CNTN3: variants seen among roughly 807,000 people sequenced by gnomAD.
The protein encoded by CNTN3 is contactin 3.
CNTN3 carries 60 observed loss-of-function variants against 119.1 expected under a neutral mutation model. The observed-to-expected ratio is 0.50, with a 90% CI of 0.41 to 0.62. The LOEUF (loss-of-function observed/expected upper bound fraction) is 0.62. Among genes scored for constraint, CNTN3 ranks in the 20% least tolerant of loss-of-function variants. The pLI is 0.00. For synonymous variants in CNTN3, 450 were observed against 438.7 expected, an observed-to-expected ratio of 1.03 and a Z score of -0.32; for missense variants, 1,101 against 1,242.4, an observed-to-expected ratio of 0.89 and a Z score of 1.71.
chr3:74,489,647 C>T (rs1702927181), intron 3 of CNTN3, among the ~76,000 whole-genome samples: 1 of 149,152 alleles, frequency 6.7e-6, no homozygotes, highest in Non-Finnish European at 1.5e-5. Flanking sequence ...CGCCTAATCC[C>T]CAGGCCTTAG....
chr3:74,463,227 C>T (rs935653920), intron 4 of CNTN3, among the ~76,000 whole-genome samples: 7 of 152,112 alleles, frequency 4.6e-5, no homozygotes, highest in Non-Finnish European at 7.4e-5. Flanking sequence ...GTGTATGTCT[C>T]TTTTCTGAAG....
intron 1 of CNTN3, among the ~76,000 whole-genome samples, chr3:74,567,794 G>A (rs1049514610): frequency 1.3e-5 from 2 of 152,160 alleles, no homozygotes; most frequent in Non-Finnish European, 2.9e-5. Context: ...TTAAGAGTAT[G>A]TGAAAGCGCT....
At chr3:74,562,671 C>G (rs1216461493) in intron 1 of CNTN3, among the ~76,000 whole-genome samples, 1 of 152,128 alleles carries the variant, frequency 6.6e-6, no homozygotes, top group East Asian at 1.9e-4. Flanking sequence ...GCTACCATGG[C>G]TTCCACACTG....
chr3:74,476,493 G>T (rs920969814), intron 4 of CNTN3, among the ~76,000 whole-genome samples: 13 of 152,100 alleles, frequency 8.5e-5, no homozygotes, highest in Non-Finnish European at 1.2e-4. Flanking sequence ...GTCCAGGTAG[G>T]TAGAAACTCT....
chr3:74,583,314 G>C (rs1351342839), intron 1 of CNTN3, among the ~76,000 whole-genome samples: 1 of 151,928 alleles, frequency 6.6e-6, no homozygotes, highest in Non-Finnish European at 1.5e-5. Context: ...TGAAACAAAT[G>C]TCCATGAGCA....
At chr3:74,503,772 T>C (rs1340651002) in intron 2 of CNTN3, among the ~76,000 whole-genome samples, 1 of 152,110 alleles carries the variant, frequency 6.6e-6, no homozygotes, top group East Asian at 1.9e-4. Context: ...TTACTTTTTG[T>C]GACAGGGGCA....
chr3:74,555,418 C>T (rs139039031), intron 1 of CNTN3, among the ~76,000 whole-genome samples: 5,633 of 152,170 alleles, frequency 0.037, 137 homozygotes, highest in South Asian at 0.069. Context: ...CAGGATGATG[C>T]TGGCCTCATA....
chr3:74,359,645 A>G (rs1429266534), intron 11 of CNTN3, among the ~76,000 whole-genome samples: 1 of 152,164 alleles, frequency 6.6e-6, no homozygotes, highest in Non-Finnish European at 1.5e-5. Context: ...TCGCTATACA[A>G]TGTGGATATA....
At chr3:74,434,017 T>C (rs1434021386) in intron 4 of CNTN3, among the ~76,000 whole-genome samples, 1 of 152,240 alleles carries the variant, frequency 6.6e-6, no homozygotes, top group Non-Finnish European at 1.5e-5. Flanking sequence ...CATCTCATTT[T>C]CCTTAGGATC....
chr3:74,495,189 T>A (rs6549602), intron 3 of CNTN3, among the ~76,000 whole-genome samples: 131,716 of 151,960 alleles, frequency 0.87, 57,824 homozygotes, highest in Non-Finnish European at 0.95. Flanking sequence ...AACACAGAGA[T>A]CTGGACTTAT....
At chr3:74,495,834 A>G (rs994718375) in intron 3 of CNTN3, among the ~76,000 whole-genome samples, 3 of 152,068 alleles carry the variant, frequency 2.0e-5, no homozygotes, top group African/African-American at 7.2e-5. Flanking sequence ...TTCTGTATCC[A>G]AGATTCCTTA....
chr3:74,290,907 A>AT (rs1191023607), intron 19 of CNTN3, among the ~76,000 whole-genome samples: 1 of 146,954 alleles, frequency 6.8e-6, no homozygotes, highest in African/African-American at 2.5e-5. Context: ...TTACTTTTTT[A>AT]TTTTTTTTAT....
intron 1 of CNTN3, among the ~76,000 whole-genome samples, chr3:74,522,999 C>A (rs1160966708): frequency 1.3e-5 from 2 of 151,724 alleles, no homozygotes; most frequent in Admixed American, 6.6e-5. Context: ...GACACACATT[C>A]CACCTCAATC....
intron 11 of CNTN3, among the ~76,000 whole-genome samples, chr3:74,349,168 A>C (rs1296416645): frequency 6.6e-6 from 1 of 152,222 alleles, no homozygotes; most frequent in African/African-American, 2.4e-5. Flanking sequence ...AAATATTTGA[A>C]GAATAAATCA....
chr3:74,608,160 T>A (rs1253713588), intron 1 of CNTN3, among the ~76,000 whole-genome samples: 1 of 152,084 alleles, frequency 6.6e-6, no homozygotes, highest in East Asian at 1.9e-4. Context: ...ATTCAGAAAA[T>A]CTTGTAAGGG....
chr3:74,288,268 C>T (rs548919025), intron 19 of CNTN3, among the ~76,000 whole-genome samples: 1 of 150,258 alleles, frequency 6.7e-6, no homozygotes, highest in Non-Finnish European at 1.5e-5. Context: ...AAGCAATTCT[C>T]CTGCCTCAAC....
chr3:74,593,113 TTAAC>T (rs917065488), intron 1 of CNTN3, among the ~76,000 whole-genome samples: 1 of 151,992 alleles, frequency 6.6e-6, no homozygotes, highest in Non-Finnish European at 1.5e-5. Context: ...GACTAGCAAA[TTAAC>T]TGAGAGTTTT....
At chr3:74,344,550 C>T (rs1177498647) in intron 11 of CNTN3, among the ~76,000 whole-genome samples, 2 of 57,580 alleles carry the variant, frequency 3.5e-5, no homozygotes, top group Non-Finnish European at 7.1e-5. Context: ...TTCAGCCTCC[C>T]GGGTTCACGC....
intron 5 of CNTN3, among the ~76,000 whole-genome samples, chr3:74,409,243 C>A (rs1232504686): frequency 6.6e-6 from 1 of 152,142 alleles, no homozygotes; most frequent in Non-Finnish European, 1.5e-5. Flanking sequence ...TCATGAACAG[C>A]CAAGCACACA....
Sources: allele counts gnomAD v4.1 joint callset (sites outside exome capture counted in the v4.1 genomes callset), GRCh38; gene constraint gnomAD v4.1.1; transcripts MANE v1.5; gene names NCBI Gene and HGNC (gene_info 2026-07-23, HGNC 2026-07-21).